WWTR1: variants seen among roughly 807,000 people sequenced by gnomAD.
WWTR1 encodes WW domain containing transcription regulator 1, also known as WW domain-containing transcription regulator protein 1.
Under a neutral mutation model 40.1 loss-of-function variants are expected in WWTR1, and 13 were observed. The observed-to-expected ratio is 0.32, with a 90% CI of 0.21 to 0.52. WWTR1 has a LOEUF of 0.52. WWTR1 is among the 20% of genes least tolerant of loss of function. The pLI is 0.97. For missense variants in WWTR1, 436 were observed against 523.1 expected, an observed-to-expected ratio of 0.83 and a Z score of 1.63; for synonymous variants, 230 against 210.1, an observed-to-expected ratio of 1.09 and a Z score of -0.82.
At chr3:149,546,607 C>T (rs189486013) in intron 3 of WWTR1, among the ~76,000 whole-genome samples, 17 of 152,304 alleles carry the variant, frequency 1.1e-4, no homozygotes, top group African/African-American at 3.1e-4. Context: ...GGGAGATCTT[C>T]CTTTTCCTTT....
chr3:149,639,528 A>G (rs1052600808), intron 2 of WWTR1, among the ~76,000 whole-genome samples: 2 of 152,122 alleles, frequency 1.3e-5, no homozygotes, highest in African/African-American at 4.8e-5. Flanking sequence ...CTATTTTCCT[A>G]TAGACAGCTT....
At chr3:149,644,497 C>T (rs1020218324) in intron 2 of WWTR1, among the ~76,000 whole-genome samples, 5 of 152,076 alleles carry the variant, frequency 3.3e-5, no homozygotes, top group Admixed American at 6.6e-5. Context: ...CTTTCTTGAA[C>T]CAAAAAGTCA....
chr3:149,694,383 G>A (rs1714916153), intron 1 of WWTR1, among the ~76,000 whole-genome samples: 1 of 152,126 alleles, frequency 6.6e-6, no homozygotes, highest in African/African-American at 2.4e-5. Flanking sequence ...GACAGAGCAA[G>A]AGCAAGAGCA....
At chr3:149,620,531 C>T (rs1740216527) in intron 2 of WWTR1, among the ~76,000 whole-genome samples, 1 of 146,236 alleles carries the variant, frequency 6.8e-6, no homozygotes, top group African/African-American at 2.6e-5. Context: ...GGAGCTGGAT[C>T]TCATATGTTC....
At chr3:149,689,788 A>C (rs1269410984) in intron 1 of WWTR1, among the ~76,000 whole-genome samples, 1 of 152,206 alleles carries the variant, frequency 6.6e-6, no homozygotes, top group Non-Finnish European at 1.5e-5. Flanking sequence ...ACTCACTGGT[A>C]ATAGTGAGTA....
At chr3:149,656,769 T>G in intron 2 of WWTR1, 107 bp downstream of exon 2, 1 of 879,828 alleles carries the variant, frequency 1.1e-6, no homozygotes, top group Non-Finnish European at 1.5e-6. Context: ...TCTCTTTCTC[T>G]CTCTCTCTCT....
At chr3:149,699,251 T>G (rs1432768286) in intron 1 of WWTR1, among the ~76,000 whole-genome samples, 1 of 152,120 alleles carries the variant, frequency 6.6e-6, no homozygotes, top group African/African-American at 2.4e-5. Flanking sequence ...AATGCTTTGT[T>G]GCTTAGAAAT....
chr3:149,595,922 A>G (rs1738982086), intron 2 of WWTR1, among the ~76,000 whole-genome samples: 1 of 151,938 alleles, frequency 6.6e-6, no homozygotes. Context: ...AATCCCAGCT[A>G]CTCGGGAGGC....
intron 2 of WWTR1, among the ~76,000 whole-genome samples, chr3:149,635,585 T>G (rs1711777250): frequency 1.1e-4 from 15 of 139,902 alleles, no homozygotes; most frequent in South Asian, 2.3e-4. Context: ...AGAGGAAGAG[T>G]AGGAGGAGAA....
intron 2 of WWTR1, among the ~76,000 whole-genome samples, chr3:149,638,093 G>A (rs568688430): frequency 6.6e-6 from 1 of 152,284 alleles, no homozygotes; most frequent in African/African-American, 2.4e-5. Flanking sequence ...CTGTATGCCT[G>A]TAATCACAGC....
chr3:149,693,478 A>AAT (rs1714887266), intron 1 of WWTR1, among the ~76,000 whole-genome samples: 1 of 151,894 alleles, frequency 6.6e-6, no homozygotes, highest in African/African-American at 2.4e-5. Context: ...CAGAAAAAAA[A>AAT]ATCCTAAAAT....
intron 3 of WWTR1, among the ~76,000 whole-genome samples, chr3:149,568,520 G>C (rs1737443464): frequency 3.5e-5 from 1 of 28,610 alleles, no homozygotes; most frequent in East Asian, 6.1e-4. Flanking sequence ...TTGAATTAAA[G>C]TGCAAAAAAA....
At chr3:149,610,090 A>T (rs1025591474) in intron 2 of WWTR1, among the ~76,000 whole-genome samples, 2 of 152,218 alleles carry the variant, frequency 1.3e-5, no homozygotes, top group Admixed American at 1.3e-4. Flanking sequence ...CATTTTCTGG[A>T]ACGGAAAGCA....
chr3:149,664,905 T>G (rs553906666), intron 2 of WWTR1, among the ~76,000 whole-genome samples: 54 of 152,180 alleles, frequency 3.5e-4, no homozygotes, highest in African/African-American at 1.2e-3. Flanking sequence ...CACTATCTTT[T>G]GTCTGATGTT....
chr3:149,686,625 T>TAC (rs900932079), intron 1 of WWTR1, among the ~76,000 whole-genome samples: 4 of 152,110 alleles, frequency 2.6e-5, no homozygotes, highest in Admixed American at 1.3e-4. Flanking sequence ...TACACTGGGT[T>TAC]ACACACACAC....
At chr3:149,715,426 GGCACCCGTGCCA>G (rs1715584221) in intron 5 of WWTR1, among the ~76,000 whole-genome samples, 1 of 152,250 alleles carries the variant, frequency 6.6e-6, no homozygotes, top group South Asian at 2.1e-4. Flanking sequence ...ACAGAGCGCT[GGCACCCGTGCCA>G]GCACTCGGAA....
rs202233146 is a variant in WWTR1 at position 149,585,977 on chromosome 3, A to T, written c.432-12977T>A. Among the ~76,000 whole-genome samples, 26 of 152,338 alleles carry T rather than the reference A, an allele frequency of 1.7e-4. No homozygotes were observed. In the East Asian group the frequency reaches 2.7e-3, roughly 16 times the overall value. ...CTAAAAAATGCTGTTGTTTTTAAACAAGTATGTTTATGCAAACTCCAAACA... is the reference window on the plus strand; with the variant it reads ...CTAAAAAATGCTGTTGTTTTTAAACTAGTATGTTTATGCAAACTCCAAACA... On this transcript the variant is annotated intron_variant, in intron 2 of 6. Transcript: ENST00000360632.
rs373194898 is a variant in WWTR1 at position 149,608,630 on chromosome 3, C to T, written c.432-35630G>A. On this transcript the variant is annotated intron_variant, in intron 2 of 6. Transcript: ENST00000360632. Reference sequence around the variant, plus strand: ...TTTCGAACTCCTGACCTCAAGTGGTCCGCCTGCCTTGGCCTCCCAAAGTGC... The same window carrying T: ...TTTCGAACTCCTGACCTCAAGTGGTTCGCCTGCCTTGGCCTCCCAAAGTGC... 4.1e-4 allele frequency among the ~76,000 whole-genome samples: 62 copies of T among 152,216 alleles called. No individual in the cohort carries two copies. The Middle Eastern group carries it at 0.017, about 42-fold the overall frequency.
chr3:149,523,662 G>A (rs1735164256), intron 6 of WWTR1, among the ~76,000 whole-genome samples: 1 of 152,180 alleles, frequency 6.6e-6, no homozygotes, highest in South Asian at 2.1e-4. Context: ...AAGCCCAGCT[G>A]TTGCTGCCAT....
Sources: allele counts gnomAD v4.1 joint callset (sites outside exome capture counted in the v4.1 genomes callset), GRCh38; gene constraint gnomAD v4.1.1; transcripts MANE v1.5; gene names NCBI Gene and HGNC (gene_info 2026-07-23, HGNC 2026-07-21).